Variants in RASSF9 observed in about 807,000 individuals in gnomAD.
RASSF9 encodes Ras association domain family member 9.
A neutral mutation model predicts 21.4 loss-of-function variants in RASSF9; 18 were observed. The ratio of observed to expected loss-of-function variants is 0.84; its 90% CI spans 0.58 to 1.25. The LOEUF (loss-of-function observed/expected upper bound fraction) is 1.25, where lower values mean the gene tolerates loss of function less well. RASSF9 is among the 50% of genes most tolerant of loss of function. The pLI is 0.00. For synonymous variants in RASSF9, 183 were observed against 179.1 expected, an observed-to-expected ratio of 1.02 and a Z score of -0.18; for missense variants, 480 against 503.2, an observed-to-expected ratio of 0.95 and a Z score of 0.44.
intron 1 of RASSF9, among the ~76,000 whole-genome samples, chr12:85,823,018 G>A (rs2136559780): frequency 6.6e-6 from 1 of 152,198 alleles, no homozygotes; most frequent in South Asian, 2.1e-4. Context: ...GGCTAACACG[G>A]TGAAACCCCG....
chr12:85,829,546 C>T (rs1047120248), intron 1 of RASSF9, among the ~76,000 whole-genome samples: 10 of 152,048 alleles, frequency 6.6e-5, no homozygotes, highest in African/African-American at 2.4e-4. Flanking sequence ...TTCTTGGATT[C>T]TTTTCTTTTG....
chr12:85,805,526 T>A lies in RASSF9; in HGVS notation c.484A>T (p.Arg162Trp), dbSNP rs747182575. ...LPPDKQKRIV[R>W]KTFRKLAKIK... ...TTAGCCAGTTTCCGGAAAGTTTTCC[T>A]GACTATTCTTTTTTGTTTATCTGGT... Residue 162 changes from arginine (R) to tryptophan (W), a missense_variant, in exon 2 of 2, where the codon AGG becomes TGG. Physicochemically the swap from Arg to Trp is moderately radical, Grantham distance 101 (BLOSUM62 -3). Transcript: ENST00000361228. The A allele has an allele frequency of 6.2e-7, 1 of 1,613,874 alleles. No homozygotes were observed. Among genetic ancestry groups the A allele is most frequent in the Admixed American group, 1.7e-5 (1 of 60,002 alleles).
At chr12:85,829,494 A>G (rs937867155) in intron 1 of RASSF9, among the ~76,000 whole-genome samples, 5 of 152,116 alleles carry the variant, frequency 3.3e-5, no homozygotes, top group African/African-American at 1.2e-4. Context: ...CACCAACTCA[A>G]CTAAGATTAT....
At chr12:85,816,772 T>A (rs1880076493) in intron 1 of RASSF9, among the ~76,000 whole-genome samples, 1 of 152,166 alleles carries the variant, frequency 6.6e-6, no homozygotes, top group African/African-American at 2.4e-5. Context: ...AAAATTAAAC[T>A]TTTTATGAAA....
Position 85,805,216 on chromosome 12 carries a change from C to T in RASSF9, c.794G>A (p.Gly265Glu), listed in dbSNP as rs748616999. 1.2e-5 allele frequency: 19 copies of T among 1,613,684 alleles called. No homozygotes were observed. Residue 265 changes from glycine to glutamate, a missense_variant, in exon 2 of 2, where the codon GGA (glycine) becomes GAA (glutamate). By Grantham distance (98) the Gly-to-Glu change is moderately conservative. Transcript: ENST00000361228. ...CAGTCGTTCTTCCAGCTGTTCAATT[C>T]CATCACTTTCGCTCAGGTCCTCCAG... The part of the protein sequence containing the change: ...QTLEDLSESD[G>E]IEQLEERLKY...
At chr12:85,831,285 G>C (rs7303344) in intron 1 of RASSF9, among the ~76,000 whole-genome samples, 5,631 of 151,986 alleles carry the variant, frequency 0.037, 343 homozygotes, top group African/African-American at 0.13. Flanking sequence ...TACAGCCAAC[G>C]AACACATTAT....
At chr12:85,834,866 T>A (rs1010220326) in intron 1 of RASSF9, among the ~76,000 whole-genome samples, 3 of 152,126 alleles carry the variant, frequency 2.0e-5, no homozygotes. Context: ...AAAACACAAA[T>A]TTTAAATACT....
At chr12:85,818,884 G>A (rs1880140328) in intron 1 of RASSF9, among the ~76,000 whole-genome samples, 1 of 151,094 alleles carries the variant, frequency 6.6e-6, no homozygotes, top group East Asian at 2.0e-4. Context: ...GCGTGAACCC[G>A]GGAGGTGGAG....
At chr12:85,815,114 T>C (rs549544052) in intron 1 of RASSF9, among the ~76,000 whole-genome samples, 2 of 151,962 alleles carry the variant, frequency 1.3e-5, no homozygotes, top group South Asian at 4.2e-4. Context: ...AAGAAATTAT[T>C]TGCAGTCTTT....
chr12:85,811,070 A>G (rs746165041), intron 1 of RASSF9, among the ~76,000 whole-genome samples: 3 of 151,920 alleles, frequency 2.0e-5, no homozygotes, highest in Non-Finnish European at 2.9e-5. Context: ...GTCAATAGTT[A>G]TTTTTAAATT....
Position 85,805,459 on chromosome 12 carries a change from T to C in RASSF9, c.551A>G (p.Glu184Gly). 1 of 1,614,012 alleles carries C rather than the reference T, an allele frequency of 6.2e-7. No individual in the cohort carries two copies. The highest frequency in any genetic ancestry group is 8.5e-7 in the Non-Finnish European group (1 of 1,179,888). Residue 184 changes from glutamate (E) to glycine (G), a missense_variant, in exon 2 of 2, where the codon GAG becomes GGG. Physicochemically the swap from Glu to Gly is moderately conservative, Grantham distance 98. Transcript: ENST00000361228. ...DTVSHDRDNM[E>G]TLVHLIISQD... ...GGAAATGATCAGATGAACTAATGTC[T>C]CCATATTATCTCGATCATGAGAAAC...
chr12:85,805,009 G>C lies in RASSF9; in HGVS notation c.1001C>G (p.Ser334Cys). Residue 334 changes from serine to cysteine, a missense_variant, in exon 2 of 2, where the codon TCT (serine) becomes TGT (cysteine). Coordinates refer to ENST00000361228, the MANE Select transcript of RASSF9 (RefSeq NM_005447.4). ...CTCTTTCTGGATGCCACTCAAATGA[G>C]AGTGAATTTTCAAACCAGCTTTCAT... ...KSMKAGLKIH[S>C]HLSGIQKEIK... 6.2e-7 allele frequency: 1 copy of C among 1,613,874 alleles called. No individual in the cohort carries two copies.
In RASSF9 at chr12:85,805,360, T is replaced by G; in HGVS notation, c.650A>C (p.Lys217Thr). ...ATTTTCTACTCGATCAAGATGGAAC[T>G]TAGCTTCACACTTTTCAATTTCCAG... ...LDLEIEKCEA[K>T]FHLDRVENDG... Residue 217 changes from lysine to threonine, a missense_variant, in exon 2 of 2, where the codon AAG becomes ACG. Coordinates refer to ENST00000361228, the MANE Select transcript of RASSF9 (RefSeq NM_005447.4). 1 of 1,613,392 alleles carries G rather than the reference T, an allele frequency of 6.2e-7. No homozygotes were observed. The highest frequency in any genetic ancestry group is 1.3e-5 in the African/African-American group (1 of 75,050).
At chr12:85,833,965 G>A (rs1359450365) in intron 1 of RASSF9, among the ~76,000 whole-genome samples, 1 of 151,860 alleles carries the variant, frequency 6.6e-6, no homozygotes. Context: ...AATCATTATG[G>A]AAACTGTAAA....
intron 1 of RASSF9, among the ~76,000 whole-genome samples, chr12:85,821,168 A>C (rs1350453415): frequency 7.2e-5 from 11 of 152,094 alleles, no homozygotes; most frequent in Admixed American, 7.2e-4. Flanking sequence ...AAAAAAAGCT[A>C]CATTGACCAA....
In RASSF9 at chr12:85,836,206, T is replaced by C. The variant is rs1362388745; in HGVS notation, c.-5A>G. Reference sequence around the variant, plus strand: ...GTTTCTTCCAAAGGGAGCCATGGTCTGTCGGGCAAACGAATAAAGAAATTA... The same window carrying C: ...GTTTCTTCCAAAGGGAGCCATGGTCCGTCGGGCAAACGAATAAAGAAATTA... On this transcript the variant is annotated 5_prime_UTR_variant, in exon 1 of 2. Coordinates refer to ENST00000361228, the MANE Select transcript of RASSF9 (RefSeq NM_005447.4). 1.3e-6 allele frequency: 2 copies of C among 1,542,068 alleles called. No individual in the cohort carries two copies. The highest frequency in any genetic ancestry group is 2.9e-5 in the African/African-American group (2 of 69,294).
At chr12:85,821,590 C>A (rs1880211758) in intron 1 of RASSF9, among the ~76,000 whole-genome samples, 1 of 151,946 alleles carries the variant, frequency 6.6e-6, no homozygotes, top group Non-Finnish European at 1.5e-5. Flanking sequence ...GGACAGTCAT[C>A]ACTTAATAAA....
At chr12:85,813,717 C>T (rs1592529021) in intron 1 of RASSF9, among the ~76,000 whole-genome samples, 1 of 151,648 alleles carries the variant, frequency 6.6e-6, no homozygotes, top group Admixed American at 6.6e-5. Flanking sequence ...ATATATAAAA[C>T]TTAGCAGGAT....
In RASSF9 at chr12:85,801,814, C is replaced by T. The variant is rs1406162963; in HGVS notation, c.*2888G>A. 37 of 143,544 alleles carry T rather than the reference C, an allele frequency of 2.6e-4. No homozygotes were observed. Among genetic ancestry groups the T allele is most frequent in the African/African-American group, 9.5e-4 (36 of 38,026 alleles). The allele number at this position is 143,544 out of a possible 1,614,324, so 8.9% of individuals were successfully genotyped here. On this transcript the variant is annotated 3_prime_UTR_variant, in exon 2 of 2. Coordinates refer to ENST00000361228, the MANE Select transcript of RASSF9 (RefSeq NM_005447.4). ...TGGGCGACAGAGTGAGACTCCGTCT[C>T]AAGGAAAAAAAAAATAGAATTCATT...
Sources: gnomAD v4.1 joint callset for allele counts (sites outside exome capture counted in the v4.1 genomes callset) on GRCh38, gnomAD v4.1.1 for gene constraint, MANE v1.5 for transcripts, NCBI Gene and HGNC (gene_info 2026-07-23, HGNC 2026-07-21) for gene names.